The following LYPLAL1 variants were observed in gnomAD, a reference collection of about 807,000 sequenced individuals.
The protein encoded by LYPLAL1 is lysophospholipase-like protein 1.
A neutral mutation model predicts 19.7 loss-of-function variants in LYPLAL1; 23 were observed. The ratio of observed to expected loss-of-function variants is 1.17; its 90% confidence interval spans 0.84 to 1.65. The LOEUF is 1.65. Ranked by LOEUF, LYPLAL1 falls within the 40% of genes most tolerant of loss-of-function variation. The probability of loss-of-function intolerance (pLI) is 0.00; values close to 1 mark genes in which losing one functional copy is unlikely to be tolerated. For missense variants in LYPLAL1, 355 were observed against 279.4 expected (o/e 1.27, Z -1.93); for synonymous variants, 119 against 96.3 (o/e 1.24, Z -1.38).
chr1:219,307,023 C>CAT, the LYPLAL1 span, among the ~76,000 whole-genome samples: 22,740 of 119,070 alleles, frequency 0.19, 2,409 homozygotes, highest in African/African-American at 0.36. Context: ...TATACACATA[C>CAT]ATATATATAT....
At chr1:219,372,499 A>C in the LYPLAL1 span, among the ~76,000 whole-genome samples, 7 of 152,134 alleles carry the variant, frequency 4.6e-5, no homozygotes, top group African/African-American at 1.7e-4. Context: ...AGGACTTTTC[A>C]CCTTTGGGTT....
the LYPLAL1 span, among the ~76,000 whole-genome samples, chr1:219,275,488 C>A: frequency 1.2e-5 from 1 of 86,136 alleles, no homozygotes; most frequent in Non-Finnish European, 2.9e-5. Flanking sequence ...TATATTAACT[C>A]TAATCTATAT....
chr1:219,356,274 G>C, the LYPLAL1 span, among the ~76,000 whole-genome samples: 1 of 152,116 alleles, frequency 6.6e-6, no homozygotes, highest in Admixed American at 6.5e-5. Context: ...GGCCGAGGTG[G>C]GCGGATCATG....
intron 1 of LYPLAL1, among the ~76,000 whole-genome samples, chr1:219,176,086 C>T (rs1655787791): frequency 6.6e-6 from 1 of 152,158 alleles, no homozygotes; most frequent in African/African-American, 2.4e-5. Context: ...TTGAGATTTT[C>T]TTCTAGGAGA....
At chr1:219,388,915 T>C in the LYPLAL1 span, among the ~76,000 whole-genome samples, 1 of 152,218 alleles carries the variant, frequency 6.6e-6, no homozygotes, top group Admixed American at 6.5e-5. Flanking sequence ...ACTCATTATG[T>C]GGTTTGCAAC....
the LYPLAL1 span, among the ~76,000 whole-genome samples, chr1:219,328,431 A>G: frequency 0.02 from 3,113 of 152,278 alleles, 104 homozygotes; most frequent in African/African-American, 0.071. Flanking sequence ...CTAAGATTCA[A>G]TAGAATTCCC....
chr1:219,230,258 GC>G, the LYPLAL1 span, among the ~76,000 whole-genome samples: 16 of 152,194 alleles, frequency 1.1e-4, no homozygotes, highest in South Asian at 2.9e-3. Context: ...GACTACAGGC[GC>G]CTGCTACCAC....
At chr1:219,281,509 T>C in the LYPLAL1 span, among the ~76,000 whole-genome samples, 1 of 152,110 alleles carries the variant, frequency 6.6e-6, no homozygotes, top group Admixed American at 6.6e-5. Context: ...AGGACTTGGT[T>C]TCAGAAGAAA....
At chr1:219,219,339 TG>T in the LYPLAL1 span, among the ~76,000 whole-genome samples, 2 of 152,194 alleles carry the variant, frequency 1.3e-5, no homozygotes, top group Non-Finnish European at 2.9e-5. Flanking sequence ...TGCAGTCACC[TG>T]AAGTCTACAA....
chr1:219,197,134 T>C (rs1163306014), intron 3 of LYPLAL1, among the ~76,000 whole-genome samples: 1 of 152,068 alleles, frequency 6.6e-6, no homozygotes, highest in African/African-American at 2.4e-5. Flanking sequence ...AAAAAACTAC[T>C]TTAAAATTGG....
At chr1:219,318,165 A>G in the LYPLAL1 span, among the ~76,000 whole-genome samples, 3 of 152,202 alleles carry the variant, frequency 2.0e-5, no homozygotes, top group Non-Finnish European at 4.4e-5. Context: ...CTGGGATTAA[A>G]AAAAGGAAGT....
chr1:219,305,968 T>C, the LYPLAL1 span, among the ~76,000 whole-genome samples: 1 of 152,364 alleles, frequency 6.6e-6, no homozygotes, highest in African/African-American at 2.4e-5. Flanking sequence ...TTAAAGATAT[T>C]TCATTTGTCC....
the LYPLAL1 span, chr1:219,411,783 C>T: frequency 8.6e-5 from 14 of 163,168 alleles, no homozygotes; most frequent in South Asian, 7.8e-4. Flanking sequence ...GAAGAAACTC[C>T]GAACACATCT....
At chr1:219,429,520 T>C in the LYPLAL1 span, among the ~76,000 whole-genome samples, 1 of 152,070 alleles carries the variant, frequency 6.6e-6, no homozygotes, top group South Asian at 2.1e-4. Flanking sequence ...TAGCCACCCA[T>C]GGTGGCACAC....
chr1:219,344,194 G>A, the LYPLAL1 span, among the ~76,000 whole-genome samples: 1 of 151,986 alleles, frequency 6.6e-6, no homozygotes, highest in Admixed American at 6.6e-5. Context: ...ACTGTAGTTT[G>A]TCTTCCCCTA....
At chr1:219,439,050 C>T in the LYPLAL1 span, among the ~76,000 whole-genome samples, 3 of 152,156 alleles carry the variant, frequency 2.0e-5, no homozygotes, top group Non-Finnish European at 4.4e-5. Context: ...CTCCGACTCA[C>T]TCAAACTCTA....
the LYPLAL1 span, among the ~76,000 whole-genome samples, chr1:219,251,429 T>C: frequency 1.3e-5 from 2 of 152,156 alleles, no homozygotes; most frequent in African/African-American, 4.8e-5. Context: ...TTTAAGTCTT[T>C]GATCCATCTT....
At chr1:219,306,691 T>A in the LYPLAL1 span, among the ~76,000 whole-genome samples, 1 of 151,318 alleles carries the variant, frequency 6.6e-6, no homozygotes, top group African/African-American at 2.4e-5. Flanking sequence ...TCCATAATTA[T>A]GTGAGCCAAA....
At chr1:219,389,709 T>C in the LYPLAL1 span, among the ~76,000 whole-genome samples, 2 of 152,188 alleles carry the variant, frequency 1.3e-5, no homozygotes, top group Non-Finnish European at 2.9e-5. Flanking sequence ...AACTGATGTT[T>C]GCCATCCATA....
Sources: gnomAD v4.1 joint callset for allele counts (sites outside exome capture counted in the v4.1 genomes callset) on GRCh38, gnomAD v4.1.1 for gene constraint, MANE v1.5 for transcripts, NCBI Gene and HGNC (gene_info 2026-07-23, HGNC 2026-07-21) for gene names.